Variants in MDGA2 observed in about 807,000 individuals in gnomAD.
MDGA2 encodes MAM domain containing glycosylphosphatidylinositol anchor 2, also known as MAM domain-containing glycosylphosphatidylinositol anchor protein 2.
MDGA2 carries 40 observed loss-of-function variants against 117.8 expected under a neutral mutation model. The ratio of observed to expected loss-of-function variants is 0.34; its 90% CI spans 0.26 to 0.44. The LOEUF (loss-of-function observed/expected upper bound fraction) is 0.44, where lower values mean the gene tolerates loss of function less well. Among genes scored for constraint, MDGA2 ranks in the 20% least tolerant of loss-of-function variants. MDGA2 has a pLI of 1.00. For synonymous variants in MDGA2, 452 were observed against 439.0 expected (o/e 1.03, Z -0.37); for missense variants, 1,123 against 1,250.6 (o/e 0.90, Z 1.54).
In MDGA2 at chr14:47,227,295, AATGATT is replaced by A. The variant is rs553427067; in HGVS notation, c.421-9106_421-9101del. Reference sequence around the variant, plus strand: ...CTACCCCTGTGACTCTTAGCCGATGAATGATTATTGTGGGATATGAAAGCCCTGCTC... The same window carrying A: ...CTACCCCTGTGACTCTTAGCCGATGAATTGTGGGATATGAAAGCCCTGCTC... On this transcript the variant is annotated intron_variant, in intron 2 of 16. Transcript: ENST00000399232. Among the ~76,000 whole-genome samples the A allele has an allele frequency of 2.2e-4, 34 of 152,194 alleles. No individual in the cohort carries two copies. The South Asian group carries it at 6.6e-3, about 30-fold the overall frequency.
intron 1 of MDGA2, among the ~76,000 whole-genome samples, chr14:47,432,905 C>A (rs1192629779): frequency 1.3e-5 from 2 of 151,764 alleles, no homozygotes; most frequent in African/African-American, 4.8e-5. Context: ...ATATCAGAAC[C>A]CAGGCATTAA....
Position 47,168,140 on chromosome 14 carries a change from C to T in MDGA2, c.596-23866G>A, listed in dbSNP as rs558470745. Among the ~76,000 whole-genome samples the T allele has an allele frequency of 3.3e-5, 5 of 152,028 alleles. No homozygotes were observed. In the South Asian group the frequency reaches 1.0e-3, roughly 32 times the overall value. Reference sequence around the variant, plus strand: ...ATCTCTTTATTTGACAACTGCCTTCCCTTCTCTGCCATGAAGGAGTTTGCT... The same window carrying T: ...ATCTCTTTATTTGACAACTGCCTTCTCTTCTCTGCCATGAAGGAGTTTGCT... On this transcript the variant is annotated intron_variant, in intron 3 of 16. Coordinates refer to ENST00000399232, the MANE Select transcript of MDGA2 (RefSeq NM_001113498.3).
At chr14:47,463,719 A>G (rs1488252904) in intron 1 of MDGA2, among the ~76,000 whole-genome samples, 2 of 152,174 alleles carry the variant, frequency 1.3e-5, no homozygotes, top group Non-Finnish European at 2.9e-5. Flanking sequence ...AAAATAATAG[A>G]TAACATTTTA....
rs528448617 is a variant in MDGA2, at chr14:47,552,659, T to TA, written c.280+121857dup. Among the ~76,000 whole-genome samples, 189 of 149,628 alleles carry TA rather than the reference T, an allele frequency of 1.3e-3. 1 individual carries two copies. Among genetic ancestry groups the TA allele is most frequent in the African/African-American group, 3.0e-3 (122 of 40,826 alleles). On this transcript the variant is annotated intron_variant, in intron 1 of 16. Coordinates refer to ENST00000399232, the MANE Select transcript of MDGA2 (RefSeq NM_001113498.3). ...AACTGGTCTTTTTCTTTCTCTCTGT[T>TA]AAAAAAAAAATGTAAGAGAAAAAGT...
At chr14:46,868,152 C>T (rs189855878) in intron 14 of MDGA2, among the ~76,000 whole-genome samples, 77 of 151,734 alleles carry the variant, frequency 5.1e-4, no homozygotes, top group Non-Finnish European at 7.8e-4. Context: ...TTACAGGGGT[C>T]AGTGTGATAA....
chr14:47,105,895 T>G (rs1880637890), intron 5 of MDGA2, among the ~76,000 whole-genome samples: 1 of 151,920 alleles, frequency 6.6e-6, no homozygotes, highest in African/African-American at 2.4e-5. Flanking sequence ...TTTCTCAGCC[T>G]CTGCTCCTCC....
intron 2 of MDGA2, among the ~76,000 whole-genome samples, chr14:47,222,466 G>A (rs940731502): frequency 6.6e-6 from 1 of 152,140 alleles, no homozygotes; most frequent in African/African-American, 2.4e-5. Flanking sequence ...ATTAAAAAGG[G>A]AAGAATTTGA....
chr14:47,585,731 C>G (rs770396041), intron 1 of MDGA2, among the ~76,000 whole-genome samples: 6 of 152,016 alleles, frequency 3.9e-5, no homozygotes, highest in Non-Finnish European at 5.9e-5. Flanking sequence ...CTCCCTCTCT[C>G]TACCTATTCC....
At chr14:46,851,896 G>T (rs1049938589) in intron 15 of MDGA2, among the ~76,000 whole-genome samples, 2 of 126,542 alleles carry the variant, frequency 1.6e-5, no homozygotes, top group Non-Finnish European at 3.6e-5. Context: ...AGTTATAAAA[G>T]ATTTTTGGGT....
intron 15 of MDGA2, among the ~76,000 whole-genome samples, chr14:46,851,371 G>A (rs1050884014): frequency 4.6e-5 from 7 of 151,724 alleles, no homozygotes; most frequent in African/African-American, 1.7e-4. Flanking sequence ...TATCCATTTT[G>A]CTTCTTTGGA....
chr14:47,279,237 AG>A (rs1888398906), intron 2 of MDGA2, among the ~76,000 whole-genome samples: 1 of 152,172 alleles, frequency 6.6e-6, no homozygotes, highest in South Asian at 2.1e-4. Context: ...GCATACTGAT[AG>A]AGTATATTAT....
At chr14:46,850,725 C>T (rs1419602995) in intron 15 of MDGA2, among the ~76,000 whole-genome samples, 1 of 151,858 alleles carries the variant, frequency 6.6e-6, no homozygotes, top group Non-Finnish European at 1.5e-5. Context: ...GGGGAAACTA[C>T]CCAAATATGA....
At chr14:47,280,560 T>G (rs2139734319) in intron 2 of MDGA2, among the ~76,000 whole-genome samples, 1 of 152,186 alleles carries the variant, frequency 6.6e-6, no homozygotes, top group Admixed American at 6.5e-5. Flanking sequence ...TTTTCCAGAC[T>G]AAATCTCCAA....
intron 1 of MDGA2, among the ~76,000 whole-genome samples, chr14:47,360,110 G>A (rs1056541196): frequency 2.0e-5 from 3 of 152,058 alleles, no homozygotes; most frequent in African/African-American, 7.2e-5. Context: ...CCAGCACTTT[G>A]GGAGGCTGAG....
chr14:47,285,488 C>T (rs2139753100), intron 2 of MDGA2, among the ~76,000 whole-genome samples: 1 of 152,154 alleles, frequency 6.6e-6, no homozygotes, highest in South Asian at 2.1e-4. Context: ...GTTCCAATGA[C>T]TTGAGATCCC....
intron 1 of MDGA2, among the ~76,000 whole-genome samples, chr14:47,499,659 C>T (rs1894358628): frequency 6.6e-6 from 1 of 152,114 alleles, no homozygotes; most frequent in African/African-American, 2.4e-5. Context: ...CAAAGATTGG[C>T]TATTCCAAAG....
chr14:47,114,820 A>G (rs1455378135), intron 5 of MDGA2, among the ~76,000 whole-genome samples: 3 of 152,102 alleles, frequency 2.0e-5, no homozygotes, highest in Non-Finnish European at 4.4e-5. Context: ...TAAAAACCCT[A>G]GAAGAAAATC....
At chr14:47,627,769 C>T (rs548977848) in intron 1 of MDGA2, among the ~76,000 whole-genome samples, 4 of 152,286 alleles carry the variant, frequency 2.6e-5, no homozygotes, top group South Asian at 4.1e-4. Flanking sequence ...TTCTTTTGTT[C>T]TTTGCAATAA....
intron 2 of MDGA2, among the ~76,000 whole-genome samples, chr14:47,293,368 G>C (rs1467419569): frequency 6.6e-6 from 1 of 152,108 alleles, no homozygotes; most frequent in Non-Finnish European, 1.5e-5. Context: ...CCCAAGTCAT[G>C]GAAGAGTACT....
Sources: allele counts gnomAD v4.1 joint callset (sites outside exome capture counted in the v4.1 genomes callset), GRCh38; gene constraint gnomAD v4.1.1; transcripts MANE v1.5; gene names NCBI Gene and HGNC (gene_info 2026-07-23, HGNC 2026-07-21).